PPP3CA: variants seen among roughly 807,000 people sequenced by gnomAD.
PPP3CA encodes CAM-PRP catalytic subunit.
In PPP3CA, 14 loss-of-function variants were observed where a neutral mutation model predicts 66.5. That is an observed-to-expected ratio of 0.21 (90% CI 0.14 to 0.33). PPP3CA has a LOEUF of 0.33. Ranked by LOEUF, PPP3CA falls within the 10% of genes least tolerant of loss-of-function variation. PPP3CA has a pLI of 1.00. For missense variants in PPP3CA, 317 were observed against 639.5 expected (o/e 0.50, Z 5.44); for synonymous variants, 232 against 226.2 (o/e 1.03, Z -0.23).
At position 101,109,706 on chromosome 4, in the gene PPP3CA, T is replaced by C. The variant is rs955782625; in HGVS notation, c.260-628A>G. ...TTAAACTTAAATTATAAAGGAGCAT[T>C]TTTACAAAATGTTAAAGTGAAAAAA... On this transcript the variant is annotated intron_variant, in intron 2 of 13. Coordinates refer to ENST00000394854, the MANE Select transcript of PPP3CA (RefSeq NM_000944.5). Among the ~76,000 whole-genome samples, 5 of 151,366 alleles carry C rather than the reference T, an allele frequency of 3.3e-5. No homozygotes were observed. In the Middle Eastern group the frequency reaches 0.01, roughly 309 times the overall value.
At chr4:101,283,416 T>A (rs1433954555) in intron 1 of PPP3CA, among the ~76,000 whole-genome samples, 1 of 152,210 alleles carries the variant, frequency 6.6e-6, no homozygotes, top group Non-Finnish European at 1.5e-5. Context: ...TATAAATCAT[T>A]AGTCTCTCAG....
chr4:101,083,786 G>A (rs934690270), intron 6 of PPP3CA, among the ~76,000 whole-genome samples: 3 of 152,016 alleles, frequency 2.0e-5, no homozygotes, highest in Non-Finnish European at 2.9e-5. Flanking sequence ...CCTCCCATAC[G>A]GTGGGAAATC....
chr4:101,031,057 A>T (rs1407890989), intron 12 of PPP3CA, among the ~76,000 whole-genome samples: 3 of 139,412 alleles, frequency 2.2e-5, no homozygotes, highest in Non-Finnish European at 3.3e-5. Flanking sequence ...TCATTTAAAA[A>T]TTTTTGTCTT....
chr4:101,116,709 T>A (rs1174929808), intron 2 of PPP3CA, among the ~76,000 whole-genome samples: 2 of 151,918 alleles, frequency 1.3e-5, no homozygotes, highest in Non-Finnish European at 2.9e-5. Flanking sequence ...TCTAGAAATC[T>A]GTATCATAAA....
intron 2 of PPP3CA, among the ~76,000 whole-genome samples, chr4:101,183,675 G>C (rs983416022): frequency 1.3e-5 from 2 of 152,100 alleles, no homozygotes; most frequent in African/African-American, 4.8e-5. Context: ...AAAGTTACAT[G>C]CTATAAAATG....
chr4:101,162,604 C>T (rs962152002), intron 2 of PPP3CA, among the ~76,000 whole-genome samples: 2 of 151,862 alleles, frequency 1.3e-5, no homozygotes, highest in African/African-American at 4.8e-5. Context: ...CTGATTTCTG[C>T]ATCTTTGACA....
chr4:101,322,382 C>G (rs907053883), intron 1 of PPP3CA, among the ~76,000 whole-genome samples: 1 of 151,546 alleles, frequency 6.6e-6, no homozygotes, highest in Non-Finnish European at 1.5e-5. Context: ...TAGGCTCTCA[C>G]CAAACACCAC....
At chr4:101,137,525 G>A (rs1722660641) in intron 2 of PPP3CA, among the ~76,000 whole-genome samples, 1 of 152,020 alleles carries the variant, frequency 6.6e-6, no homozygotes, top group African/African-American at 2.4e-5. Flanking sequence ...CATTTCCACA[G>A]CTTCTCTGTG....
chr4:101,157,886 A>C (rs928346967), intron 2 of PPP3CA, among the ~76,000 whole-genome samples: 3 of 151,462 alleles, frequency 2.0e-5, no homozygotes, highest in African/African-American at 7.3e-5. Context: ...AAAAAAAAAA[A>C]AAACCTCTCA....
At chr4:101,112,595 C>T (rs1721709267) in intron 2 of PPP3CA, among the ~76,000 whole-genome samples, 1 of 152,080 alleles carries the variant, frequency 6.6e-6, no homozygotes, top group African/African-American at 2.4e-5. Context: ...AAAACAGTAA[C>T]TCAAAATAAA....
chr4:101,120,007 TCAGA>T (rs1186111777), intron 2 of PPP3CA, among the ~76,000 whole-genome samples: 7 of 152,144 alleles, frequency 4.6e-5, no homozygotes, highest in Non-Finnish European at 1.0e-4. Flanking sequence ...AAAATATTGT[TCAGA>T]CATATTTGAA....
intron 5 of PPP3CA, among the ~76,000 whole-genome samples, chr4:101,095,462 A>AT (rs796305551): frequency 1.0e-3 from 152 of 152,272 alleles, no homozygotes; most frequent in African/African-American, 3.6e-3. Context: ...CTTAAAAATC[A>AT]TTTTCTGGCC....
At chr4:101,120,864 T>C (rs985315227) in intron 2 of PPP3CA, among the ~76,000 whole-genome samples, 2 of 152,088 alleles carry the variant, frequency 1.3e-5, no homozygotes, top group Non-Finnish European at 2.9e-5. Context: ...ATAAAGTCTT[T>C]GAATATTTTG....
chr4:101,204,002 C>G (rs1368843898), intron 1 of PPP3CA, among the ~76,000 whole-genome samples: 1 of 152,070 alleles, frequency 6.6e-6, no homozygotes, highest in Non-Finnish European at 1.5e-5. Flanking sequence ...CAGGGTCTCC[C>G]TCTATTGCCC....
intron 1 of PPP3CA, among the ~76,000 whole-genome samples, chr4:101,296,133 A>C (rs1383950963): frequency 6.6e-6 from 1 of 152,172 alleles, no homozygotes; most frequent in African/African-American, 2.4e-5. Flanking sequence ...CATGTTCCTA[A>C]ATGGTAGCAC....
intron 1 of PPP3CA, among the ~76,000 whole-genome samples, chr4:101,262,144 A>T (rs1389717033): frequency 2.0e-5 from 3 of 152,068 alleles, no homozygotes; most frequent in Non-Finnish European, 4.4e-5. Flanking sequence ...TTCTTTAGCA[A>T]AAAAAGAAGT....
intron 2 of PPP3CA, among the ~76,000 whole-genome samples, chr4:101,179,503 T>A (rs1277354452): frequency 6.6e-6 from 1 of 152,112 alleles, no homozygotes; most frequent in African/African-American, 2.4e-5. Flanking sequence ...ATCCTAGACA[T>A]GATCCTGGCT....
At chr4:101,302,419 T>C (rs2110300612) in intron 1 of PPP3CA, among the ~76,000 whole-genome samples, 1 of 152,360 alleles carries the variant, frequency 6.6e-6, no homozygotes, top group East Asian at 1.9e-4. Flanking sequence ...TTTTCTAAGT[T>C]AGCACACTAT....
At chr4:101,241,869 TA>T (rs1405481261) in intron 1 of PPP3CA, among the ~76,000 whole-genome samples, 2 of 152,140 alleles carry the variant, frequency 1.3e-5, no homozygotes, top group Non-Finnish European at 2.9e-5. Context: ...GTCAAATTGC[TA>T]AGTGTATCTG....
Sources: allele counts gnomAD v4.1 joint callset (sites outside exome capture counted in the v4.1 genomes callset), GRCh38; gene constraint gnomAD v4.1.1; transcripts MANE v1.5; gene names NCBI Gene and HGNC (gene_info 2026-07-23, HGNC 2026-07-21).